The following NNT variants were observed in gnomAD, a reference collection of about 807,000 sequenced individuals.
The protein encoded by NNT is NAD(P) transhydrogenase, mitochondrial.
A neutral mutation model predicts 104.8 loss-of-function variants in NNT; 50 were observed. That is an observed-to-expected ratio of 0.48 (90% CI 0.38 to 0.60). The LOEUF (loss-of-function observed/expected upper bound fraction) is 0.60, where lower values mean the gene tolerates loss of function less well. Among genes scored for constraint, NNT ranks in the 20% least tolerant of loss-of-function variants. NNT has a pLI of 0.00. For missense variants in NNT, 1,131 were observed against 1,330.7 expected (o/e 0.85, Z 2.33); for synonymous variants, 461 against 490.4 (o/e 0.94, Z 0.79).
chr5:43,671,033 T>C (rs1192248414), intron 17 of NNT, among the ~76,000 whole-genome samples: 1 of 152,232 alleles, frequency 6.6e-6, no homozygotes, highest in Non-Finnish European at 1.5e-5. Context: ...TTTACCATTA[T>C]GTAATGGCCT....
At chr5:43,657,439 G>C (rs1339433301) in intron 16 of NNT, among the ~76,000 whole-genome samples, 1 of 152,156 alleles carries the variant, frequency 6.6e-6, no homozygotes, top group Non-Finnish European at 1.5e-5. Flanking sequence ...GTTTTATGCA[G>C]CGCTATTTAC....
In NNT at chr5:43,659,251, C is replaced by G; in HGVS notation, c.2535C>G (p.Ala845=). 6.2e-7 allele frequency: 1 copy of G among 1,614,006 alleles called. No homozygotes were observed. The highest frequency in any genetic ancestry group is 1.1e-5 in the South Asian group (1 of 91,060). ...ITVLNSYSGW[A]LCAEGFLLNN... ...TGCTGAACAGCTACTCAGGCTGGGC[C>G]CTGTGTGCAGAGGGCTTCCTGCTCA... The change falls in exon 17 of 22, where the codon GCC becomes GCG. Residue 845 remains alanine (A), a synonymous_variant. Transcript: ENST00000344920.
At chr5:43,653,287 G>A in intron 14 of NNT, 74 bp downstream of exon 14, 2 of 1,334,804 alleles carry the variant, frequency 1.5e-6, no homozygotes, top group Non-Finnish European at 2.0e-6. Context: ...CCATATTGAT[G>A]AAATAATTAA....
intron 7 of NNT, among the ~76,000 whole-genome samples, chr5:43,637,841 C>T (rs898866252): frequency 1.3e-5 from 2 of 152,118 alleles, no homozygotes; most frequent in East Asian, 3.9e-4. Flanking sequence ...CAATGAGATG[C>T]ACCTCGGCTT....
chr5:43,656,205 G>A, intron 15 of NNT, 132 bp downstream of exon 15: 3 of 753,602 alleles, frequency 4.0e-6, no homozygotes, highest in Non-Finnish European at 6.4e-6. Context: ...ACTTTGGGAG[G>A]CTGAGGTGGG....
intron 17 of NNT, among the ~76,000 whole-genome samples, chr5:43,662,284 C>T (rs1230059818): frequency 1.3e-5 from 2 of 152,116 alleles, no homozygotes; most frequent in Non-Finnish European, 2.9e-5. Context: ...AGTAACTCTT[C>T]TGTAACACTA....
intron 1 of NNT, among the ~76,000 whole-genome samples, chr5:43,604,290 G>T (rs1749091258): frequency 6.6e-6 from 1 of 152,124 alleles, no homozygotes; most frequent in South Asian, 2.1e-4. Context: ...AAGCGCGTGG[G>T]GCTTAGGTGC....
intron 19 of NNT, among the ~76,000 whole-genome samples, chr5:43,689,125 C>T (rs898264378): frequency 1.3e-5 from 2 of 152,076 alleles, no homozygotes; most frequent in African/African-American, 4.8e-5. Context: ...TTTTCATTTC[C>T]TTGATAATTA....
At chr5:43,615,796 A>C in intron 3 of NNT, 52 bp from the exon 4 acceptor site, 1 of 1,367,446 alleles carries the variant, frequency 7.3e-7, no homozygotes, top group Admixed American at 2.2e-5. Context: ...TTTGCTTAAA[A>C]ATATGATTAA....
chr5:43,656,919 T>C lies in NNT; in HGVS notation c.2454+106T>C, dbSNP rs573287346. 9 of 1,111,920 alleles carry C rather than the reference T, an allele frequency of 8.1e-6. No homozygotes were observed. In the South Asian group the frequency reaches 1.6e-4, roughly 20 times the overall value. The allele number at this position is 1,111,920 out of a possible 1,614,324, so 68.9% of individuals were successfully genotyped here. A position where few individuals can be genotyped will look rare whatever the true frequency, so the allele number is the denominator to read the frequency against. Reference sequence around the variant, plus strand: ...TATCTCTTCAAGAACCTTGATGGAATAAAAATGTTTTAAAATTACGTCACA... The same window carrying C: ...TATCTCTTCAAGAACCTTGATGGAACAAAAATGTTTTAAAATTACGTCACA... On this transcript the variant is annotated intron_variant, in intron 16 of 21. Transcript: ENST00000344920.
intron 15 of NNT, among the ~76,000 whole-genome samples, chr5:43,656,446 G>A (rs1460031834): frequency 1.3e-5 from 2 of 152,092 alleles, no homozygotes; most frequent in African/African-American, 2.4e-5. Flanking sequence ...AAGCTTTGAA[G>A]CTGTTTCATT....
At chr5:43,647,521 T>C (rs1460163647) in intron 10 of NNT, among the ~76,000 whole-genome samples, 2 of 152,250 alleles carry the variant, frequency 1.3e-5, no homozygotes, top group South Asian at 2.1e-4. Context: ...CTCTTTCATA[T>C]TAAAAATAAG....
chr5:43,628,189 A>C lies in NNT; in HGVS notation c.777-11A>C, dbSNP rs746831453. The stretch of plus-strand genomic sequence containing the variant: ...AAATAACTACTCTTTCCACTTTAAC[A>C]ATCACCCTAGAGCTGCAGCTTTGGA... On this transcript the variant is annotated splice_polypyrimidine_tract_variant and intron_variant, in intron 6 of 21. Transcript: ENST00000344920. 1 of 1,526,664 alleles carries C rather than the reference A, an allele frequency of 6.6e-7. No individual in the cohort carries two copies. Among genetic ancestry groups the C allele is most frequent in the East Asian group, 2.4e-5 (1 of 41,712 alleles). The allele number at this position is 1,526,664 out of a possible 1,614,324, so 94.6% of individuals were successfully genotyped here. A position where few individuals can be genotyped will look rare whatever the true frequency, so the allele number is the denominator to read the frequency against.
chr5:43,684,884 C>A (rs1741902153), intron 19 of NNT, among the ~76,000 whole-genome samples: 1 of 152,040 alleles, frequency 6.6e-6, no homozygotes, highest in South Asian at 2.1e-4. Flanking sequence ...TAAAAAAATA[C>A]TGAATATAGT....
chr5:43,623,882 T>C, intron 5 of NNT, 150 bp from the exon 6 acceptor site: 3 of 744,358 alleles, frequency 4.0e-6, no homozygotes, highest in Non-Finnish European at 7.2e-6. Context: ...ATGTACTCCA[T>C]ACAGTTACTA....
chr5:43,617,457 T>A (rs1356396994), intron 4 of NNT, among the ~76,000 whole-genome samples: 2 of 152,264 alleles, frequency 1.3e-5, no homozygotes, highest in South Asian at 2.1e-4. Context: ...GAATCACTCT[T>A]CTATGTCCTG....
intron 10 of NNT, chr5:43,648,580 G>A (rs2111867800): frequency 6.4e-6 from 1 of 155,246 alleles, no homozygotes; most frequent in South Asian, 2.0e-4. Context: ...TCCAGATTCA[G>A]GAGCAATTGC....
chr5:43,620,441 C>T (rs1202333358), intron 5 of NNT, among the ~76,000 whole-genome samples: 4 of 151,836 alleles, frequency 2.6e-5, no homozygotes, highest in Non-Finnish European at 4.4e-5. Flanking sequence ...AGGATGGTCT[C>T]GAACTCTTGA....
intron 17 of NNT, among the ~76,000 whole-genome samples, chr5:43,659,896 A>G (rs1381065586): frequency 1.3e-5 from 2 of 152,206 alleles, no homozygotes; most frequent in Non-Finnish European, 2.9e-5. Flanking sequence ...ATCTGGAGAT[A>G]AACAGGTAAG....
Sources: allele counts gnomAD v4.1 joint callset (sites outside exome capture counted in the v4.1 genomes callset), GRCh38; gene constraint gnomAD v4.1.1; transcripts MANE v1.5; gene names NCBI Gene and HGNC (gene_info 2026-07-23, HGNC 2026-07-21).